CFAP54: variants seen among roughly 807,000 people sequenced by gnomAD.
CFAP54 encodes the protein cilia- and flagella-associated protein 54.
In CFAP54, 290 loss-of-function variants were observed where a neutral mutation model predicts 370.4. That is an observed-to-expected ratio of 0.78 (90% confidence interval 0.71 to 0.86). CFAP54 has a LOEUF of 0.86. Ranked by LOEUF, CFAP54 falls within the 40% of genes least tolerant of loss-of-function variation. The pLI is 0.00. For missense variants in CFAP54, 3,399 were observed against 3,528.7 expected, an observed-to-expected ratio of 0.96 and a Z score of 0.93; for synonymous variants, 1,206 against 1,236.5, an observed-to-expected ratio of 0.98 and a Z score of 0.52.
intron 64 of CFAP54, among the ~76,000 whole-genome samples, chr12:96,817,029 C>T (rs1387680581): frequency 1.3e-5 from 2 of 152,262 alleles, no homozygotes; most frequent in Non-Finnish European, 2.9e-5. Flanking sequence ...GGTCCGTTGA[C>T]TGACCTTCTA....
rs1487584169 is a variant in CFAP54, at chr12:96,547,892, T to A, written c.2078-10T>A. 1.0e-5 allele frequency: 15 copies of A among 1,432,564 alleles called. No individual in the cohort carries two copies. The Admixed American group carries it at 3.0e-4, about 28-fold the overall frequency. The allele number at this position is 1,432,564 out of a possible 1,614,324, so 88.7% of individuals were successfully genotyped here. Reference sequence around the variant, plus strand: ...TCCTTCATTCCCTTCCTCCTTCCTTTCTTTTCCAGATGTACCTTTAAGAGA... The same window carrying A: ...TCCTTCATTCCCTTCCTCCTTCCTTACTTTTCCAGATGTACCTTTAAGAGA... On this transcript the variant is annotated splice_polypyrimidine_tract_variant and intron_variant, in intron 14 of 67. Coordinates refer to ENST00000524981, the MANE Select transcript of CFAP54 (RefSeq NM_001306084.2).
Position 96,685,040 on chromosome 12 carries a change from AGT to A in CFAP54, c.5819_5820del (p.Cys1940LeufsTer6). On this transcript the variant is annotated frameshift_variant, in exon 42 of 68. Coordinates refer to ENST00000524981, the MANE Select transcript of CFAP54 (RefSeq NM_001306084.2). LOFTEE classifies it high-confidence loss of function. ...TGTCTCTGTTTTAGGGCTGCTTTTA[AGT>A]GTTGGTGTCAAGCTCTTGATGACAT... 6 of 1,613,968 alleles carry A rather than the reference AGT, an allele frequency of 3.7e-6. No homozygotes were observed. The highest frequency in any genetic ancestry group is 1.3e-5 in the African/African-American group (1 of 75,040).
At chr12:96,738,985 G>C (rs763946354) in intron 50 of CFAP54, among the ~76,000 whole-genome samples, 5 of 152,138 alleles carry the variant, frequency 3.3e-5, no homozygotes, top group Non-Finnish European at 5.9e-5. Flanking sequence ...TAACTTGGTT[G>C]CTTCTGTAAC....
At chr12:96,769,522 T>TA (rs1013100400) in intron 60 of CFAP54, among the ~76,000 whole-genome samples, 14 of 152,222 alleles carry the variant, frequency 9.2e-5, no homozygotes, top group Admixed American at 9.2e-4. Flanking sequence ...GCAGCTCTCT[T>TA]AGACAGACTG....
At chr12:96,868,619 T>TA (rs1353108103) in intron 67 of CFAP54, among the ~76,000 whole-genome samples, 1 of 152,148 alleles carries the variant, frequency 6.6e-6, no homozygotes, top group East Asian at 1.9e-4. Context: ...TTGAACTTGC[T>TA]CAAAAAAATG....
At chr12:96,731,394 G>A (rs1957917147) in intron 50 of CFAP54, among the ~76,000 whole-genome samples, 1 of 152,210 alleles carries the variant, frequency 6.6e-6, no homozygotes, top group Admixed American at 6.5e-5. Flanking sequence ...ATTGAATTGA[G>A]AGTTGGACAG....
At position 96,700,035 on chromosome 12, in the gene CFAP54, A is replaced by G. The variant is rs1265832443; in HGVS notation, c.6416A>G (p.Tyr2139Cys). The change falls in exon 46 of 68, where the codon TAT becomes TGT. Residue 2139 changes from tyrosine to cysteine, a missense_variant. Physicochemically the swap from Tyr to Cys is radical, Grantham distance 194. Coordinates refer to ENST00000524981, the MANE Select transcript of CFAP54 (RefSeq NM_001306084.2). ...TTTTATGAGATATCCCAAATTTTCT[A>G]TGGAAAAAACATGCCTTGTCCAATA... ...EAFYEISQIF[Y>C]GKNMPCPIPA... 4 of 1,609,336 alleles carry G rather than the reference A, an allele frequency of 2.5e-6. No homozygotes were observed. Among genetic ancestry groups the G allele is most frequent in the African/African-American group, 1.3e-5 (1 of 74,682 alleles).
In CFAP54 at chr12:96,651,737, C is replaced by T. The variant is rs776347738; in HGVS notation, c.5022C>T (p.Thr1674=). The change falls in exon 36 of 68, where the codon ACC becomes ACT. Residue 1674 remains threonine, a synonymous_variant. Coordinates refer to ENST00000524981, the MANE Select transcript of CFAP54 (RefSeq NM_001306084.2). ...FPISQDGFLC[T]SVLPFYLGAE... is the part of the protein sequence containing the mutation. Reference sequence around the variant, plus strand: ...TTAGCCAAGATGGTTTCCTCTGCACCTCTGTTTTACCATTCTATTTGGGAG... The same window carrying T: ...TTAGCCAAGATGGTTTCCTCTGCACTTCTGTTTTACCATTCTATTTGGGAG... 5.6e-6 allele frequency: 9 copies of T among 1,613,736 alleles called. No individual in the cohort carries two copies. The Admixed American group carries it at 1.0e-4, about 18-fold the overall frequency.
intron 51 of CFAP54, among the ~76,000 whole-genome samples, chr12:96,740,457 G>A (rs77037851): frequency 0.01 from 1,581 of 152,300 alleles, 25 homozygotes; most frequent in African/African-American, 0.035. Flanking sequence ...GCTGTTTCCT[G>A]CTTTGGATTC....
chr12:96,782,498 T>G (rs760738332), intron 60 of CFAP54, among the ~76,000 whole-genome samples: 2 of 152,154 alleles, frequency 1.3e-5, no homozygotes, highest in Admixed American at 6.5e-5. Context: ...AGAAAACGTA[T>G]TTTAAAAAGA....
Position 96,489,754 on chromosome 12 carries a change from T to G in CFAP54, c.145T>G (p.Trp49Gly). 6.5e-7 allele frequency: 1 copy of G among 1,536,106 alleles called. No homozygotes were observed. The highest frequency in any genetic ancestry group is 1.4e-5 in the African/African-American group (1 of 73,158). Residue 49 changes from tryptophan (W) to glycine (G), a missense_variant, in exon 1 of 68, where the codon TGG becomes GGG. Physicochemically the swap from Trp to Gly is radical, Grantham distance 184. This residue lies in a region of CFAP54 where 559 missense variants were observed against 576.7 expected (regional missense o/e 0.97). Coordinates refer to ENST00000524981, the MANE Select transcript of CFAP54 (RefSeq NM_001306084.2). ...GAGCTCCCGGAGCTCGCTGCTTCAG[T>G]GGACCTGCCCCGAGGACTCATTGCC... The part of the protein sequence containing the change: ...KGSSRSSLLQ[W>G]TCPEDSLPLA...
At chr12:96,745,791 G>A (rs1179211436) in intron 55 of CFAP54, among the ~76,000 whole-genome samples, 1 of 152,198 alleles carries the variant, frequency 6.6e-6, no homozygotes, top group Non-Finnish European at 1.5e-5. Flanking sequence ...AAATAAACTT[G>A]TGTCTTACAA....
At chr12:96,559,529 A>T (rs1955793446) in intron 17 of CFAP54, among the ~76,000 whole-genome samples, 1 of 152,052 alleles carries the variant, frequency 6.6e-6, no homozygotes. Flanking sequence ...ACCTAAATCC[A>T]CCAATCATGA....
At position 96,677,991 on chromosome 12, in the gene CFAP54, A is replaced by T. The variant is rs143057430; in HGVS notation, c.5564-1609A>T. On this transcript the variant is annotated intron_variant, in intron 39 of 67. Transcript: ENST00000524981. Reference sequence around the variant, plus strand: ...TATTCTCGAGGCATCTCTGTGCCCAAATCTGGGTTACAAATCTGGGTCATT... The same window carrying T: ...TATTCTCGAGGCATCTCTGTGCCCATATCTGGGTTACAAATCTGGGTCATT... Among the ~76,000 whole-genome samples the T allele has an allele frequency of 2.6e-3, 402 of 152,214 alleles. 3 individuals carry two copies. Among genetic ancestry groups the T allele is most frequent in the Non-Finnish European group, 3.9e-3 (263 of 67,998 alleles).
chr12:96,816,166 T>A (rs1958972665), intron 64 of CFAP54, among the ~76,000 whole-genome samples: 1 of 152,234 alleles, frequency 6.6e-6, no homozygotes, highest in African/African-American at 2.4e-5. Context: ...TATGGCCATT[T>A]TCACGATATT....
chr12:96,616,691 A>T (rs992567337), intron 26 of CFAP54, among the ~76,000 whole-genome samples: 3 of 152,236 alleles, frequency 2.0e-5, no homozygotes, highest in Non-Finnish European at 4.4e-5. Flanking sequence ...GAATAATTTT[A>T]GAGTTTGATA....
At chr12:96,494,684 G>A (rs1261200379) in intron 1 of CFAP54, among the ~76,000 whole-genome samples, 2 of 152,056 alleles carry the variant, frequency 1.3e-5, no homozygotes, top group African/African-American at 2.4e-5. Context: ...AGGAGTACAG[G>A]AGGTAGGAGT....
intron 26 of CFAP54, among the ~76,000 whole-genome samples, chr12:96,609,753 T>A (rs867257241): frequency 5.3e-5 from 8 of 152,176 alleles, no homozygotes; most frequent in Non-Finnish European, 1.5e-5. Flanking sequence ...GATAGGTTTT[T>A]AAAAATACTA....
chr12:96,542,899 C>A (rs1481640175), intron 14 of CFAP54, among the ~76,000 whole-genome samples: 1 of 152,174 alleles, frequency 6.6e-6, no homozygotes, highest in East Asian at 1.9e-4. Flanking sequence ...TCATACTCCC[C>A]TTTCAAGACG....
Sources: gnomAD v4.1 joint callset for allele counts (sites outside exome capture counted in the v4.1 genomes callset) on GRCh38, gnomAD v4.1.1 for gene constraint, gnomAD v4.1.1 regional missense constraint, MANE v1.5 for transcripts, NCBI Gene and HGNC (gene_info 2026-07-23, HGNC 2026-07-21) for gene names.